ERC2: variants seen among roughly 807,000 people sequenced by gnomAD.
The protein encoded by ERC2 is ELKS/RAB6-interacting/CAST family member 2.
Under a neutral mutation model 114.8 loss-of-function variants are expected in ERC2, and 42 were observed. The observed-to-expected ratio is 0.37, with a 90% CI of 0.29 to 0.47. The LOEUF (loss-of-function observed/expected upper bound fraction) is 0.47, where lower values mean the gene tolerates loss of function less well. ERC2 is among the 20% of genes least tolerant of loss of function. The pLI is 0.99. For missense variants in ERC2, 939 were observed against 1,150.7 expected (o/e 0.82, Z 2.66); for synonymous variants, 454 against 425.5 (o/e 1.07, Z -0.82).
chr3:55,664,524 C>T (rs1289876143), intron 17 of ERC2, among the ~76,000 whole-genome samples: 3 of 152,188 alleles, frequency 2.0e-5, no homozygotes, highest in African/African-American at 4.8e-5. Context: ...GCAGAGGAGA[C>T]GCCAGGCGGT....
chr3:55,862,824 G>A (rs576757305), intron 14 of ERC2, among the ~76,000 whole-genome samples: 12 of 152,182 alleles, frequency 7.9e-5, no homozygotes, highest in African/African-American at 2.6e-4. Context: ...ACTGAATTAT[G>A]GTTTTATCAT....
rs183853765 is a variant in ERC2, at chr3:56,012,293, G to A, written c.1780-1704C>T. ...CCTTCCACTACATGGCTGTTGGAGC[G>A]ACATTTCTAAAGCTCCAAAAGGACC... On this transcript the variant is annotated intron_variant, in intron 8 of 17. Coordinates refer to ENST00000288221, the MANE Select transcript of ERC2 (RefSeq NM_015576.3). 1.1e-4 allele frequency among the ~76,000 whole-genome samples: 17 copies of A among 152,204 alleles called. No homozygotes were observed. The South Asian group carries it at 2.1e-3, about 19-fold the overall frequency.
intron 17 of ERC2, among the ~76,000 whole-genome samples, chr3:55,683,231 T>C (rs900459319): frequency 2.0e-5 from 3 of 152,224 alleles, no homozygotes; most frequent in African/African-American, 4.8e-5. Flanking sequence ...CATTCACCAT[T>C]ACTATGCCTT....
rs762349959 is a variant in ERC2 at position 56,163,437 on chromosome 3, G to A, written c.1149+10009C>T. 5.7e-4 allele frequency among the ~76,000 whole-genome samples: 87 copies of A among 152,094 alleles called. 1 individual carries two copies. Among genetic ancestry groups the A allele is most frequent in the Non-Finnish European group, 9.6e-4 (65 of 67,924 alleles). On this transcript the variant is annotated intron_variant, in intron 4 of 17. Transcript: ENST00000288221. ...AATTTCTTTGTTAGTTTTCTGTCTC[G>A]ATGATCTGTCTAATGCTCACAGTGG...
chr3:55,693,897 T>A (rs1292265794), intron 16 of ERC2, among the ~76,000 whole-genome samples: 1 of 151,912 alleles, frequency 6.6e-6, no homozygotes, highest in Non-Finnish European at 1.5e-5. Context: ...TTAGTAGAGA[T>A]GGGGTTTCAG....
At chr3:55,636,435 C>T (rs1411292760) in intron 17 of ERC2, among the ~76,000 whole-genome samples, 1 of 152,162 alleles carries the variant, frequency 6.6e-6, no homozygotes, top group African/African-American at 2.4e-5. Context: ...AACATCATCG[C>T]CTCACACAGC....
intron 2 of ERC2, among the ~76,000 whole-genome samples, chr3:56,371,081 A>G (rs1194188906): frequency 6.6e-6 from 1 of 152,196 alleles, no homozygotes. Flanking sequence ...AATTTCTGAG[A>G]AGTGAAGATT....
intron 17 of ERC2, among the ~76,000 whole-genome samples, chr3:55,679,117 C>T (rs1023515225): frequency 3.3e-5 from 5 of 152,192 alleles, no homozygotes; most frequent in African/African-American, 1.2e-4. Context: ...TTTTCTTAGG[C>T]TTAAAATCTA....
At chr3:55,815,364 C>A (rs2059869752) in intron 14 of ERC2, among the ~76,000 whole-genome samples, 1 of 152,142 alleles carries the variant, frequency 6.6e-6, no homozygotes, top group Non-Finnish European at 1.5e-5. Flanking sequence ...TTAAAACAGG[C>A]AAATTATCCT....
At chr3:56,232,288 A>G (rs2050677150) in intron 3 of ERC2, among the ~76,000 whole-genome samples, 2 of 151,792 alleles carry the variant, frequency 1.3e-5, no homozygotes, top group Admixed American at 1.3e-4. Context: ...TTAATTATAA[A>G]CCAAAACAAT....
At chr3:56,039,263 TAA>T (rs1316043144) in intron 7 of ERC2, among the ~76,000 whole-genome samples, 1 of 152,004 alleles carries the variant, frequency 6.6e-6, no homozygotes, top group South Asian at 2.1e-4. Flanking sequence ...AAGACTCCAG[TAA>T]AAAAGTGTTC....
At chr3:56,447,237 A>G (rs549587355) in intron 1 of ERC2, among the ~76,000 whole-genome samples, 9 of 152,372 alleles carry the variant, frequency 5.9e-5, no homozygotes, top group African/African-American at 2.2e-4. Flanking sequence ...AGTGGGGACC[A>G]CAGAGGGCAC....
chr3:56,229,038 C>G (rs2050436167), intron 3 of ERC2, among the ~76,000 whole-genome samples: 2 of 152,064 alleles, frequency 1.3e-5, no homozygotes, highest in African/African-American at 4.8e-5. Flanking sequence ...TTACAGAATG[C>G]TTTTTTCCAG....
At chr3:56,388,741 T>C (rs908755217) in intron 2 of ERC2, among the ~76,000 whole-genome samples, 1 of 152,148 alleles carries the variant, frequency 6.6e-6, no homozygotes. Flanking sequence ...TTCTACTTTG[T>C]ACGGCAATCA....
chr3:55,779,081 AT>A (rs1270838389), intron 14 of ERC2, among the ~76,000 whole-genome samples: 2 of 151,940 alleles, frequency 1.3e-5, no homozygotes, highest in Admixed American at 6.5e-5. Context: ...TAAAAAAAAA[AT>A]GTTGCCAAAA....
At chr3:56,368,175 CTT>C (rs750386743) in intron 2 of ERC2, among the ~76,000 whole-genome samples, 32,108 of 134,546 alleles carry the variant, frequency 0.24, 4,056 homozygotes, top group Non-Finnish European at 0.3. Context: ...TGAAATTATT[CTT>C]TTTTTTTTAA....
At chr3:56,207,346 G>C (rs1473848701) in intron 3 of ERC2, among the ~76,000 whole-genome samples, 1 of 151,294 alleles carries the variant, frequency 6.6e-6, no homozygotes, top group Non-Finnish European at 1.5e-5. Flanking sequence ...ACACATTATA[G>C]AGCTATTAAC....
chr3:56,257,861 A>G (rs1560472986), intron 3 of ERC2, among the ~76,000 whole-genome samples: 1 of 152,160 alleles, frequency 6.6e-6, no homozygotes, highest in East Asian at 1.9e-4. Flanking sequence ...CTCATCAAGG[A>G]TTTTTTATTT....
intron 3 of ERC2, among the ~76,000 whole-genome samples, chr3:56,204,593 C>G (rs2048604421): frequency 6.6e-6 from 1 of 151,674 alleles, no homozygotes; most frequent in African/African-American, 2.4e-5. Flanking sequence ...AACTCTGCCT[C>G]TTGGGTTCAA....
Sources: allele counts gnomAD v4.1 joint callset (sites outside exome capture counted in the v4.1 genomes callset), GRCh38; gene constraint gnomAD v4.1.1; transcripts MANE v1.5; gene names NCBI Gene and HGNC (gene_info 2026-07-23, HGNC 2026-07-21).